The following ARRB1 variants were observed in gnomAD, a reference collection of about 807,000 sequenced individuals.
The protein encoded by ARRB1 is beta-arrestin-1.
In ARRB1, 21 loss-of-function variants were observed where a neutral mutation model predicts 56.8. That is an observed-to-expected ratio of 0.37 (90% CI 0.26 to 0.53). The LOEUF (loss-of-function observed/expected upper bound fraction) is 0.53. Among genes scored for constraint, ARRB1 ranks in the 20% least tolerant of loss-of-function variants. The pLI is 0.88. For synonymous variants in ARRB1, 210 were observed against 218.6 expected, an observed-to-expected ratio of 0.96 and a Z score of 0.35; for missense variants, 424 against 553.7, an observed-to-expected ratio of 0.77 and a Z score of 2.35.
intron 1 of ARRB1, among the ~76,000 whole-genome samples, chr11:75,291,578 C>G (rs1313057027): frequency 6.6e-6 from 1 of 152,164 alleles, no homozygotes; most frequent in Non-Finnish European, 1.5e-5. Flanking sequence ...CCTGCCCTCT[C>G]CCCCGAGCTG....
chr11:75,320,096 A>T (rs1947323521), intron 1 of ARRB1, among the ~76,000 whole-genome samples: 2 of 152,116 alleles, frequency 1.3e-5, no homozygotes, highest in African/African-American at 2.4e-5. Context: ...CTCTTCTCCC[A>T]GGAGATTTGG....
chr11:75,307,664 G>A (rs1242774288), intron 1 of ARRB1, among the ~76,000 whole-genome samples: 1 of 152,168 alleles, frequency 6.6e-6, no homozygotes, highest in African/African-American at 2.4e-5. Context: ...TCTAACACAC[G>A]GGGAAGGTCT....
intron 1 of ARRB1, among the ~76,000 whole-genome samples, chr11:75,311,893 C>A (rs1419170147): frequency 2.0e-5 from 3 of 152,218 alleles, no homozygotes; most frequent in African/African-American, 7.2e-5. Flanking sequence ...TACACACACA[C>A]TCCTCCGGCC....
chr11:75,341,291 C>T (rs1257428268), intron 1 of ARRB1, among the ~76,000 whole-genome samples: 3 of 152,064 alleles, frequency 2.0e-5, no homozygotes. Flanking sequence ...GTGTGTGCCA[C>T]CACACCTGGC....
intron 1 of ARRB1, among the ~76,000 whole-genome samples, chr11:75,300,202 C>CAA (rs10557397): frequency 1.2e-3 from 101 of 87,266 alleles, no homozygotes; most frequent in African/African-American, 3.6e-3. Context: ...GACTCTGTCT[C>CAA]AAAAAAAAAA....
intron 1 of ARRB1, among the ~76,000 whole-genome samples, chr11:75,342,423 C>T (rs1947704839): frequency 6.6e-6 from 1 of 152,170 alleles, no homozygotes; most frequent in Admixed American, 6.5e-5. Flanking sequence ...AGAATTCTGT[C>T]CCCAGTAATT....
chr11:75,267,726 G>A, intron 14 of ARRB1, 23 bp from the exon 15 acceptor site: 3 of 1,502,594 alleles, frequency 2.0e-6, no homozygotes, highest in East Asian at 4.5e-5. Context: ...TGGGTGGGCA[G>A]GGTGTCCAGG....
intron 1 of ARRB1, among the ~76,000 whole-genome samples, chr11:75,310,109 G>A (rs1309455288): frequency 1.3e-5 from 2 of 152,142 alleles, no homozygotes; most frequent in Non-Finnish European, 2.9e-5. Flanking sequence ...CCCAAACCTC[G>A]GGGAGAACTG....
Position 75,268,816 on chromosome 11 carries a change from G to C in ARRB1, c.1093+73C>G. 5 of 1,524,988 alleles carry C rather than the reference G, an allele frequency of 3.3e-6. No individual in the cohort carries two copies. In the South Asian group the frequency reaches 5.9e-5, roughly 18 times the overall value. The allele number at this position is 1,524,988 out of a possible 1,614,324, so 94.5% of individuals were successfully genotyped here. A position where few individuals can be genotyped will look rare whatever the true frequency, so the allele number is the denominator to read the frequency against. On this transcript the variant is annotated intron_variant, in intron 14 of 15. Transcript: ENST00000420843. The stretch of plus-strand genomic sequence containing the variant: ...TGACTGGGCTGAGGGCGAACCCGGG[G>C]CGGGGTGGGTTACAGGGTCACGTGG...
At chr11:75,268,753 C>CT in intron 14 of ARRB1, 136 bp downstream of exon 14, 1 of 896,856 alleles carries the variant, frequency 1.1e-6, no homozygotes. Flanking sequence ...AAATCGAGTT[C>CT]TGGACCCCAC....
At chr11:75,349,787 G>A (rs1947819837) in intron 1 of ARRB1, among the ~76,000 whole-genome samples, 1 of 152,236 alleles carries the variant, frequency 6.6e-6, no homozygotes, top group Non-Finnish European at 1.5e-5. Context: ...AGCTGCAATG[G>A]GGACTAGCCA....
chr11:75,325,071 T>C (rs506448), intron 1 of ARRB1, among the ~76,000 whole-genome samples: 89,932 of 151,492 alleles, frequency 0.59, 27,275 homozygotes, highest in African/African-American at 0.73. Context: ...GTATGCTGGT[T>C]GTCAGGGTTG....
At chr11:75,266,297 T>C (rs749416497) in intron 15 of ARRB1, 23 bp from the exon 16 acceptor site, 14 of 1,599,180 alleles carry the variant, frequency 8.8e-6, no homozygotes, top group Non-Finnish European at 1.2e-5. Flanking sequence ...ACAAGGAAAA[T>C]GTGGTGTGTT....
chr11:75,279,720 T>A (rs1432351429), intron 7 of ARRB1, among the ~76,000 whole-genome samples: 1 of 152,196 alleles, frequency 6.6e-6, no homozygotes, highest in Non-Finnish European at 1.5e-5. Flanking sequence ...CAGGCTGGAG[T>A]GCAGTGGCGC....
chr11:75,319,410 A>G (rs956269766), intron 1 of ARRB1, among the ~76,000 whole-genome samples: 3 of 152,160 alleles, frequency 2.0e-5, no homozygotes, highest in Non-Finnish European at 4.4e-5. Flanking sequence ...TTCCTCACAC[A>G]TGTCCTAAGT....
chr11:75,282,128 G>T (rs189943650), intron 5 of ARRB1, 107 bp from the exon 6 acceptor site: 8 of 1,171,582 alleles, frequency 6.8e-6, no homozygotes, highest in Non-Finnish European at 1.0e-5. Context: ...AGGGCCCCAG[G>T]GGACAGGCCA....
At chr11:75,298,263 C>A (rs1946811794) in intron 1 of ARRB1, among the ~76,000 whole-genome samples, 1 of 150,592 alleles carries the variant, frequency 6.6e-6, no homozygotes, top group East Asian at 1.9e-4. Context: ...AAAAAAGAAA[C>A]CCACTGAATG....
rs556965038 is a variant in ARRB1, at chr11:75,293,488, A to G, written c.21-3449T>C. 5.3e-5 allele frequency among the ~76,000 whole-genome samples: 8 copies of G among 152,340 alleles called. No individual in the cohort carries two copies. In the South Asian group the frequency reaches 1.7e-3, roughly 32 times the overall value. Reference sequence around the variant, plus strand: ...GACCTCCACCTATGCAGCGTCACACAGATGGCTCTGCCTGTCAACTTTGAA... The same window carrying G: ...GACCTCCACCTATGCAGCGTCACACGGATGGCTCTGCCTGTCAACTTTGAA... On this transcript the variant is annotated intron_variant, in intron 1 of 15. Transcript: ENST00000420843.
chr11:75,308,176 ATTAG>A (rs1947073074), intron 1 of ARRB1, among the ~76,000 whole-genome samples: 1 of 152,190 alleles, frequency 6.6e-6, no homozygotes, highest in African/African-American at 2.4e-5. Flanking sequence ...GGGAACTGCT[ATTAG>A]TTAGCATCGA....
Sources: gnomAD v4.1 joint callset for allele counts (sites outside exome capture counted in the v4.1 genomes callset) on GRCh38, gnomAD v4.1.1 for gene constraint, MANE v1.5 for transcripts, NCBI Gene and HGNC (gene_info 2026-07-23, HGNC 2026-07-21) for gene names.